HS3ST3B1: variants seen among roughly 807,000 people sequenced by gnomAD.
HS3ST3B1 encodes heparan sulfate glucosamine 3-O-sulfotransferase 3B1.
HS3ST3B1 carries 13 observed loss-of-function variants against 21.3 expected under a neutral mutation model. The observed-to-expected ratio is 0.61, with a 90% CI of 0.40 to 0.97. The LOEUF (loss-of-function observed/expected upper bound fraction) is 0.97, where lower values mean the gene tolerates loss of function less well. Among genes scored for constraint, HS3ST3B1 ranks in the 50% least tolerant of loss-of-function variants. HS3ST3B1 has a pLI of 0.00. For synonymous variants in HS3ST3B1, 234 were observed against 254.8 expected (o/e 0.92, Z 0.78); for missense variants, 459 against 554.8 (o/e 0.83, Z 1.73).
At position 14,340,001 on chromosome 17, in the gene HS3ST3B1, G is replaced by T. The variant is rs527550414; in HGVS notation, c.555-5027G>T. Among the ~76,000 whole-genome samples, 206 of 152,280 alleles carry T rather than the reference G, an allele frequency of 1.4e-3. 1 individual carries two copies. The highest frequency in any genetic ancestry group is 1.7e-3 in the Non-Finnish European group (117 of 68,022). ...GGAAAGAACTTGACTCCAGGACTGCGCGGTTGTAGGGTGAGGGTGGCAGAA... is the reference window on the plus strand; with the variant it reads ...GGAAAGAACTTGACTCCAGGACTGCTCGGTTGTAGGGTGAGGGTGGCAGAA... On this transcript the variant is annotated intron_variant, in intron 1 of 1. Coordinates refer to ENST00000360954, the MANE Select transcript of HS3ST3B1 (RefSeq NM_006041.3).
intron 1 of HS3ST3B1, among the ~76,000 whole-genome samples, chr17:14,322,898 C>CTTTTTTTTTT (rs34065582): frequency 3.2e-5 from 3 of 94,586 alleles, no homozygotes; most frequent in Non-Finnish European, 6.5e-5. Context: ...GTGTCTATGT[C>CTTTTTTTTTT]TTTTTTTTTT....
At chr17:14,309,085 C>A (rs918430778) in intron 1 of HS3ST3B1, among the ~76,000 whole-genome samples, 1 of 152,232 alleles carries the variant, frequency 6.6e-6, no homozygotes, top group Non-Finnish European at 1.5e-5. Context: ...CTGCCCCCGA[C>A]GTTGCCACGT....
At chr17:14,315,922 AAATTTATAAATT>A (rs1909483587) in intron 1 of HS3ST3B1, among the ~76,000 whole-genome samples, 1 of 152,266 alleles carries the variant, frequency 6.6e-6, no homozygotes, top group South Asian at 2.1e-4. Flanking sequence ...AAAACAAAAC[AAATTTATAAATT>A]AAAGTAAATA....
rs761567556 is a variant in HS3ST3B1, at chr17:14,301,580, A to AGCCGCC, written c.69_74dup (p.Pro27_Pro28dup). On this transcript the variant is annotated inframe_insertion, in exon 1 of 2. Transcript: ENST00000360954. The stretch of plus-strand genomic sequence containing the variant: ...GATGTCCCCGGCCGGCTCCTACCGC[A>AGCCGCC]GCCGCCGCCGCCCCCGCCGCCGGTG... 891 of 1,598,466 alleles carry AGCCGCC rather than the reference A, an allele frequency of 5.6e-4. 1 individual carries two copies. Among genetic ancestry groups the AGCCGCC allele is most frequent in the Non-Finnish European group, 6.8e-4 (802 of 1,177,750 alleles).
rs1021084902 is a variant in HS3ST3B1, at chr17:14,348,679, A to T, written c.*3033A>T. On this transcript the variant is annotated 3_prime_UTR_variant, in exon 2 of 2. Transcript: ENST00000360954. ...TTGGACTTCCTCCGATTTACACGAA[A>T]AGCTCTGATATTCATTGGAGTACTT... 6.6e-6 allele frequency: 1 copy of T among 152,194 alleles called. No homozygotes were observed. Among genetic ancestry groups the T allele is most frequent in the African/African-American group, 2.4e-5 (1 of 41,452 alleles). 9.4% of individuals were successfully genotyped at this position (152,194 alleles called of 1,614,324 possible).
At position 14,329,360 on chromosome 17, in the gene HS3ST3B1, A is replaced by AAG. The variant is rs1164100982; in HGVS notation, c.555-15668_555-15667insAG. On this transcript the variant is annotated intron_variant, in intron 1 of 1. Transcript: ENST00000360954. ...AAGAAAGAAAGAAAGAAAGAAAGAA[A>AAG]GAAAGAAAAGGAAGGAAGGAAGGAA... is the stretch of plus-strand genomic sequence containing the variant. The AAG allele has an allele frequency of 5.5e-3, 590 of 108,006 alleles. 1 individual carries two copies. The highest frequency in any genetic ancestry group is 0.027 in the East Asian group (101 of 3,790). The allele number at this position is 108,006 out of a possible 1,614,324, so 6.7% of individuals were successfully genotyped here.
intron 1 of HS3ST3B1, among the ~76,000 whole-genome samples, chr17:14,315,207 C>T (rs900282486): frequency 6.6e-6 from 1 of 152,164 alleles, no homozygotes; most frequent in African/African-American, 2.4e-5. Context: ...AAATTGGACC[C>T]AGCAGTGTTT....
At position 14,345,546 on chromosome 17, in the gene HS3ST3B1, C is replaced by T; in HGVS notation, c.1073C>T (p.Pro358Leu). Residue 358 changes from proline (P) to leucine (L), a missense_variant, in exon 2 of 2, where the codon CCT becomes CTT. By Grantham distance (98) the Pro-to-Leu change is moderately conservative. This residue lies in a region of HS3ST3B1 where 127 missense variants were observed against 209.9 expected (regional missense o/e 0.60). Coordinates refer to ENST00000360954, the MANE Select transcript of HS3ST3B1 (RefSeq NM_006041.3). Reference sequence around the variant, plus strand: ...GGCAAGACCAAGGGCAGGACCCATCCTGAGATCGACCGCGAGGTGGTGCGC... The same window carrying T: ...GGCAAGACCAAGGGCAGGACCCATCTTGAGATCGACCGCGAGGTGGTGCGC... ...CLGKTKGRTH[P>L]EIDREVVRRL... is the part of the protein sequence containing the mutation. The T allele has an allele frequency of 6.3e-7, 1 of 1,599,576 alleles. No homozygotes were observed. Among genetic ancestry groups the T allele is most frequent in the Middle Eastern group, 1.7e-4 (1 of 6,000 alleles).
chr17:14,304,711 G>A (rs1322127320), intron 1 of HS3ST3B1: 1 of 152,186 alleles, frequency 6.6e-6, no homozygotes, highest in African/African-American at 2.4e-5. Context: ...CAACCAATTG[G>A]AGAAGAGTAT....
intron 1 of HS3ST3B1, chr17:14,304,268 C>CA (rs1322676350): frequency 6.6e-6 from 1 of 152,234 alleles, no homozygotes; most frequent in African/African-American, 2.4e-5. Flanking sequence ...GTCCAGGGGG[C>CA]ACAGGGCCCG....
At chr17:14,343,009 C>T (rs1246247631) in intron 1 of HS3ST3B1, among the ~76,000 whole-genome samples, 1 of 152,086 alleles carries the variant, frequency 6.6e-6, no homozygotes, top group South Asian at 2.1e-4. Context: ...TTTGGGAGGC[C>T]AAGGCGGGTG....
intron 1 of HS3ST3B1, among the ~76,000 whole-genome samples, chr17:14,334,056 C>T (rs551987370): frequency 3.5e-4 from 54 of 152,268 alleles, no homozygotes; most frequent in Non-Finnish European, 6.9e-4. Flanking sequence ...CCACCGCGCC[C>T]GGCCAAGGCT....
chr17:14,349,279 A>T lies in HS3ST3B1; in HGVS notation c.*3633A>T, dbSNP rs1910659573. ...GATAGCCAATATGTACAAAAAATTA[A>T]ATCAAGTATTTTGTCCTATGTATAA... On this transcript the variant is annotated 3_prime_UTR_variant, in exon 2 of 2. Transcript: ENST00000360954. 6.6e-6 allele frequency: 1 copy of T among 152,212 alleles called. No individual in the cohort carries two copies. The highest frequency in any genetic ancestry group is 2.1e-4 in the South Asian group (1 of 4,830). 9.4% of individuals were successfully genotyped at this position (152,212 alleles called of 1,614,324 possible). A position where few individuals can be genotyped will look rare whatever the true frequency, so the allele number is the denominator to read the frequency against.
At chr17:14,314,911 G>A (rs1909450018) in intron 1 of HS3ST3B1, among the ~76,000 whole-genome samples, 6 of 152,184 alleles carry the variant, frequency 3.9e-5, no homozygotes, top group Admixed American at 3.9e-4. Context: ...TTAGAGTTGG[G>A]CAGGAGCTTT....
intron 1 of HS3ST3B1, among the ~76,000 whole-genome samples, chr17:14,332,738 C>A (rs894445379): frequency 2.7e-5 from 4 of 150,618 alleles, no homozygotes; most frequent in Admixed American, 2.0e-4. Flanking sequence ...GGCCAAGGAG[C>A]GGCTTGGGCA....
At chr17:14,320,607 T>C (rs4792468) in intron 1 of HS3ST3B1, among the ~76,000 whole-genome samples, 138,727 of 152,160 alleles carry the variant, frequency 0.91, 63,393 homozygotes, top group South Asian at 0.94. Context: ...TGTTGAATAG[T>C]ATTGAACAGA....
At chr17:14,307,182 G>C (rs988411682) in intron 1 of HS3ST3B1, among the ~76,000 whole-genome samples, 2 of 152,088 alleles carry the variant, frequency 1.3e-5, no homozygotes, top group Admixed American at 1.3e-4. Flanking sequence ...CTAAAAATTA[G>C]GTTGCAGTAC....
At chr17:14,316,407 T>C (rs758844714) in intron 1 of HS3ST3B1, among the ~76,000 whole-genome samples, 10 of 152,214 alleles carry the variant, frequency 6.6e-5, no homozygotes, top group Non-Finnish European at 1.2e-4. Flanking sequence ...CTTGCTGTTA[T>C]TCTGTAAGCA....
chr17:14,340,371 A>G (rs1597603103), intron 1 of HS3ST3B1, among the ~76,000 whole-genome samples: 1 of 151,184 alleles, frequency 6.6e-6, no homozygotes, highest in Admixed American at 6.6e-5. Flanking sequence ...AATTCCCCTT[A>G]CCCCTCATGG....
Sources: gnomAD v4.1 joint callset for allele counts (sites outside exome capture counted in the v4.1 genomes callset) on GRCh38, gnomAD v4.1.1 for gene constraint, gnomAD v4.1.1 regional missense constraint, MANE v1.5 for transcripts, NCBI Gene and HGNC (gene_info 2026-07-23, HGNC 2026-07-21) for gene names.